The following TAF4 variants were observed in gnomAD, a reference collection of about 807,000 sequenced individuals.
TAF4 encodes the protein transcription initiation factor TFIID subunit 4.
Under a neutral mutation model 90.3 loss-of-function variants are expected in TAF4, and 9 were observed. That is an observed-to-expected ratio of 0.10 (90% CI 0.06 to 0.17). The LOEUF (loss-of-function observed/expected upper bound fraction) is 0.17. Ranked by LOEUF, TAF4 falls within the 10% of genes least tolerant of loss-of-function variation. The pLI is 1.00. For synonymous variants in TAF4, 818 were observed against 638.9 expected (o/e 1.28, Z -4.23); for missense variants, 1,351 against 1,370.7 (o/e 0.99, Z 0.23).
At chr20:62,054,209 T>C (rs1362736110) in intron 1 of TAF4, among the ~76,000 whole-genome samples, 2 of 152,208 alleles carry the variant, frequency 1.3e-5, no homozygotes, top group Non-Finnish European at 2.9e-5. Flanking sequence ...AGCACAAGCA[T>C]GAAGGAGGCG....
rs1433423991 is a variant in TAF4 at position 62,009,047 on chromosome 20, C to T, written c.1884+5G>A. 6.2e-7 allele frequency: 1 copy of T among 1,610,228 alleles called. No homozygotes were observed. Among genetic ancestry groups the T allele is most frequent in the Non-Finnish European group, 8.5e-7 (1 of 1,178,894 alleles). ...GAAAGGGAATGTAAAGTCAAGGTTT[C>T]TCACCAGTAAATTCTGCACGAGCTC... On this transcript the variant is annotated splice_donor_5th_base_variant and intron_variant, in intron 5 of 14. Coordinates refer to ENST00000252996, the MANE Select transcript of TAF4 (RefSeq NM_003185.4).
At chr20:62,042,261 C>T (rs1007366178) in intron 1 of TAF4, among the ~76,000 whole-genome samples, 7 of 152,160 alleles carry the variant, frequency 4.6e-5, no homozygotes, top group African/African-American at 1.2e-4. Flanking sequence ...AGGAGGAGAT[C>T]GGCTGCGGGA....
chr20:62,008,825 G>A (rs2055762266), intron 5 of TAF4: 3 of 452,452 alleles, frequency 6.6e-6, no homozygotes, highest in Non-Finnish European at 1.1e-5. Flanking sequence ...CAAAGCCCGG[G>A]AGACCTCCAG....
chr20:62,010,026 C>G lies in TAF4; in HGVS notation c.1761+20G>C, dbSNP rs779077655. 3 of 1,612,192 alleles carry G rather than the reference C, an allele frequency of 1.9e-6. No homozygotes were observed. The South Asian group carries it at 3.3e-5, about 18-fold the overall frequency. ...ACGGGCCTGACCGTCTTTGAAGGCACGGAAAGGAGTGGCTCTTACCGTGGC... is the reference window on the plus strand; with the variant it reads ...ACGGGCCTGACCGTCTTTGAAGGCAGGGAAAGGAGTGGCTCTTACCGTGGC... On this transcript the variant is annotated intron_variant, in intron 4 of 14. Coordinates refer to ENST00000252996, the MANE Select transcript of TAF4 (RefSeq NM_003185.4). This position sits in a 1 kb window ranked among gnomAD's most constrained non-coding sequence, Gnocchi z 4.5.
At chr20:62,061,481 T>C (rs1384790432) in intron 1 of TAF4, among the ~76,000 whole-genome samples, 1 of 152,246 alleles carries the variant, frequency 6.6e-6, no homozygotes, top group Non-Finnish European at 1.5e-5. Flanking sequence ...GAGTAAATTC[T>C]GCATGAAAGC....
In TAF4 at chr20:61,975,691, G is replaced by A. The variant is rs1334552197; in HGVS notation, c.*477C>T. On this transcript the variant is annotated 3_prime_UTR_variant, in exon 15 of 15. Coordinates refer to ENST00000252996, the MANE Select transcript of TAF4 (RefSeq NM_003185.4). ...AGGGGGCAGAGAGGAGAGCGGGGTG[G>A]GAGGGGAAGGGAAGGAAGATAAATA... 6.3e-6 allele frequency: 1 copy of A among 159,172 alleles called. No individual in the cohort carries two copies. Among genetic ancestry groups the A allele is most frequent in the South Asian group, 1.8e-4 (1 of 5,714 alleles). 9.9% of individuals were successfully genotyped at this position (159,172 alleles called of 1,614,324 possible).
chr20:61,988,213 G>GT (rs998303746), intron 14 of TAF4, among the ~76,000 whole-genome samples: 4 of 152,302 alleles, frequency 2.6e-5, no homozygotes, highest in Admixed American at 2.0e-4. Flanking sequence ...TGGAAGCTGG[G>GT]TGAGAAGGAC....
intron 9 of TAF4, among the ~76,000 whole-genome samples, chr20:62,001,807 C>T (rs775084057): frequency 4.7e-5 from 7 of 149,796 alleles, no homozygotes; most frequent in East Asian, 2.0e-4. Flanking sequence ...GGACGGTCTC[C>T]GCTCATCTTG....
In TAF4 at chr20:61,998,965, C is replaced by G. The variant is rs776792302; in HGVS notation, c.2913+18G>C. The G allele has an allele frequency of 6.2e-7, 1 of 1,611,472 alleles. No individual in the cohort carries two copies. On this transcript the variant is annotated intron_variant, in intron 12 of 14. Transcript: ENST00000252996. Reference sequence around the variant, plus strand: ...GACGGAGGTGCCCAGACGGCAGCAGCAGACACCCAGCACTCGCCTTTGCTG... The same window carrying G: ...GACGGAGGTGCCCAGACGGCAGCAGGAGACACCCAGCACTCGCCTTTGCTG...
At chr20:62,030,101 C>T (rs886829348) in intron 1 of TAF4, among the ~76,000 whole-genome samples, 47 of 152,282 alleles carry the variant, frequency 3.1e-4, no homozygotes, top group Non-Finnish European at 4.4e-4. Flanking sequence ...AGCAGCGCAG[C>T]GGGCCAGAGC....
At chr20:62,008,890 C>CA in intron 5 of TAF4, 162 bp downstream of exon 5, 2 of 916,436 alleles carry the variant, frequency 2.2e-6, no homozygotes, top group Non-Finnish European at 3.1e-6. Context: ...CTAGGCCACA[C>CA]ACGCCTTCGA....
chr20:62,063,940 G>A (rs1379106330), intron 1 of TAF4, among the ~76,000 whole-genome samples: 2 of 152,236 alleles, frequency 1.3e-5, no homozygotes, highest in Non-Finnish European at 2.9e-5. Flanking sequence ...GGAGACTGAA[G>A]AGGCTCGAGC....
chr20:62,009,356 C>G (rs768044086), intron 4 of TAF4, among the ~76,000 whole-genome samples, 182 bp from the exon 5 acceptor site: 6 of 152,256 alleles, frequency 3.9e-5, no homozygotes, highest in Non-Finnish European at 8.8e-5. Context: ...ACATCAGTCA[C>G]ATGGCCACCG....
chr20:62,011,437 T>C (rs1278182393), intron 3 of TAF4, among the ~76,000 whole-genome samples: 1 of 152,170 alleles, frequency 6.6e-6, no homozygotes, highest in Admixed American at 6.5e-5. Flanking sequence ...AACTTAACCA[T>C]AAGCTCCAAC....
intron 1 of TAF4, among the ~76,000 whole-genome samples, chr20:62,035,399 C>G (rs768231770): frequency 6.6e-6 from 1 of 152,132 alleles, no homozygotes; most frequent in African/African-American, 2.4e-5. Flanking sequence ...AGGCTAGAAA[C>G]GGATGCCACA....
At position 61,984,281 on chromosome 20, in the gene TAF4, C is replaced by T. The variant is rs769681608; in HGVS notation, c.3091-7946G>A. 4.5e-4 allele frequency among the ~76,000 whole-genome samples: 69 copies of T among 152,164 alleles called. 1 individual carries two copies. The highest frequency in any genetic ancestry group is 7.9e-4 in the Admixed American group (12 of 15,284). Reference sequence around the variant, plus strand: ...GAACTATGACAACACACGTGGGACACGTGTGAGGCTGGGGAAAGAGCTGCC... The same window carrying T: ...GAACTATGACAACACACGTGGGACATGTGTGAGGCTGGGGAAAGAGCTGCC... On this transcript the variant is annotated intron_variant, in intron 14 of 14. Transcript: ENST00000252996.
intron 5 of TAF4, 62 bp from the exon 6 acceptor site, chr20:62,007,698 C>CCG: frequency 6.9e-7 from 1 of 1,457,858 alleles, no homozygotes. Flanking sequence ...CTTCTGAATC[C>CCG]CGCATCACTC....
rs190197495 is a variant in TAF4 at position 62,010,819 on chromosome 20, C to T, written c.1642-654G>A. Among the ~76,000 whole-genome samples, 22 of 152,336 alleles carry T rather than the reference C, an allele frequency of 1.4e-4. No individual in the cohort carries two copies. The highest frequency in any genetic ancestry group is 1.0e-3 in the South Asian group (5 of 4,828). ...TTTGCTAAGCAAATGAACAGCCAGA[C>T]GCCAAAAGGTAGCTCAGACAACTCA... On this transcript the variant is annotated intron_variant, in intron 3 of 14. Transcript: ENST00000252996. The surrounding 1 kb of genome is among the most constrained non-coding windows in gnomAD (Gnocchi z 4.5).
rs766700972 is a variant in TAF4 at position 62,065,164 on chromosome 20, C to T, written c.647G>A (p.Ser216Asn). 8.3e-7 allele frequency: 1 copy of T among 1,211,964 alleles called. No individual in the cohort carries two copies. The highest frequency in any genetic ancestry group is 1.4e-5 in the South Asian group (1 of 72,716). The allele number at this position is 1,211,964 out of a possible 1,614,324, so 75.1% of individuals were successfully genotyped here. The change falls in exon 1 of 15, where the codon AGC (serine) becomes AAC (asparagine). Residue 216 changes from serine to asparagine, a missense_variant. Physicochemically the swap from Ser to Asn is conservative, Grantham distance 46. This residue lies in a region of TAF4 where 782 missense variants were observed against 536.6 expected (regional missense o/e 1.46). Transcript: ENST00000252996. ...NSHHAAAPAV[S>N]LVNNGPAALL... is the part of the protein sequence containing the mutation. ...CGCGGCGGGCCCGTTGTTGACCAGG[C>T]TGACAGCAGGTGCGGCGGCGTGGTG...
Sources: gnomAD v4.1 joint callset for allele counts (sites outside exome capture counted in the v4.1 genomes callset) on GRCh38, gnomAD v4.1.1 for gene constraint, gnomAD v4.1.1 regional missense constraint, Gnocchi (gnomAD v3.1) non-coding constraint, MANE v1.5 for transcripts, NCBI Gene and HGNC (gene_info 2026-07-23, HGNC 2026-07-21) for gene names.